IRS1: variants seen among roughly 807,000 people sequenced by gnomAD.
The protein encoded by IRS1 is insulin receptor substrate 1.
A neutral mutation model predicts 65.6 loss-of-function variants in IRS1; 34 were observed. The observed-to-expected ratio is 0.52, with a 90% confidence interval of 0.39 to 0.69. IRS1 has a LOEUF of 0.69. IRS1 is among the 30% of genes least tolerant of loss of function. IRS1 has a pLI of 0.00. For missense variants in IRS1, 1,641 were observed against 1,720.2 expected, an observed-to-expected ratio of 0.95 and a Z score of 0.81; for synonymous variants, 699 against 683.5, an observed-to-expected ratio of 1.02 and a Z score of -0.35.
intron 1 of IRS1, among the ~76,000 whole-genome samples, chr2:226,774,103 C>T (rs1018779678): frequency 6.6e-6 from 1 of 152,054 alleles, no homozygotes. Flanking sequence ...ACTGGACGTC[C>T]GGAAAGCACA....
intron 1 of IRS1, among the ~76,000 whole-genome samples, chr2:226,766,120 CTTATATATATAT>C (rs1261291540): frequency 8.5e-4 from 27 of 31,688 alleles, no homozygotes; most frequent in African/African-American, 2.4e-3. Context: ...CTCTCTTAAT[CTTATATATATAT>C]ATATATATAT....
chr2:226,750,336 C>G (rs28415492), intron 1 of IRS1, among the ~76,000 whole-genome samples: 7,954 of 151,148 alleles, frequency 0.053, 504 homozygotes, highest in East Asian at 0.18. Flanking sequence ...TGAGACTAAG[C>G]GTTCTCCTCA....
At chr2:226,788,109 T>C (rs1373572729) in intron 1 of IRS1, among the ~76,000 whole-genome samples, 1 of 152,082 alleles carries the variant, frequency 6.6e-6, no homozygotes, top group Non-Finnish European at 1.5e-5. Flanking sequence ...GACCTAAATA[T>C]GTCAGGGAGG....
chr2:226,788,339 C>T (rs1443892944), intron 1 of IRS1, among the ~76,000 whole-genome samples: 1 of 152,110 alleles, frequency 6.6e-6, no homozygotes, highest in Non-Finnish European at 1.5e-5. Flanking sequence ...CATAGTCTGA[C>T]CCATGTATTC....
chr2:226,741,172 TGTCCCCTCA>T, intron 1 of IRS1, among the ~76,000 whole-genome samples: 1 of 152,192 alleles, frequency 6.6e-6, no homozygotes, highest in Non-Finnish European at 1.5e-5. Flanking sequence ...CTGCATTTAA[TGTCCCCTCA>T]AAAAGTCTAA....
At chr2:226,742,002 C>A (rs1020118194) in intron 1 of IRS1, among the ~76,000 whole-genome samples, 1 of 152,116 alleles carries the variant, frequency 6.6e-6, no homozygotes, top group Non-Finnish European at 1.5e-5. Context: ...AGGAAGTTCC[C>A]AGCTTAAAGC....
At chr2:226,766,897 G>C (rs896216974) in intron 1 of IRS1, among the ~76,000 whole-genome samples, 3 of 151,978 alleles carry the variant, frequency 2.0e-5, no homozygotes, top group Non-Finnish European at 4.4e-5. Flanking sequence ...GCCAGCTGTC[G>C]AGAGCAGCTC....
chr2:226,765,192 C>T (rs1052360388), intron 1 of IRS1, among the ~76,000 whole-genome samples: 5 of 152,208 alleles, frequency 3.3e-5, no homozygotes, highest in African/African-American at 1.2e-4. Flanking sequence ...TGATCTTAGC[C>T]TTACGAGTAG....
At chr2:226,776,500 T>G (rs894719382) in intron 1 of IRS1, among the ~76,000 whole-genome samples, 2 of 152,186 alleles carry the variant, frequency 1.3e-5, no homozygotes, top group South Asian at 4.1e-4. Context: ...CAAACACTCC[T>G]TCAGCCAAGT....
chr2:226,797,345 T>C lies in IRS1; in HGVS notation c.1394A>G (p.Tyr465Cys), dbSNP rs1466090544. 20 of 1,613,128 alleles carry C rather than the reference T, an allele frequency of 1.2e-5. No individual in the cohort carries two copies. The highest frequency in any genetic ancestry group is 1.7e-6 in the Non-Finnish European group (2 of 1,179,926). Residue 465 changes from tyrosine (Y) to cysteine (C), a missense_variant, in exon 1 of 2, where the codon TAT (tyrosine) becomes TGT (cysteine). Transcript: ENST00000305123. This position sits in a 1 kb window ranked among gnomAD's most constrained non-coding sequence, Gnocchi z 8.1. ...PARGEEELSN[Y>C]ICMGGKGPST... ...GGGCCCCTTGCCACCCATGCAGATA[T>C]AGTTGCTTAGCTCCTCCTCACCGCG...
At chr2:226,766,120 CTTATATATATATATATAT>C (rs1939026133) in intron 1 of IRS1, among the ~76,000 whole-genome samples, 1 of 31,680 alleles carries the variant, frequency 3.2e-5, no homozygotes, top group African/African-American at 1.3e-4. Context: ...CTCTCTTAAT[CTTATATATATATATATAT>C]ATATATATAT....
chr2:226,759,127 C>T (rs1204016811), intron 1 of IRS1, among the ~76,000 whole-genome samples: 1 of 152,046 alleles, frequency 6.6e-6, no homozygotes, highest in Non-Finnish European at 1.5e-5. Context: ...ACACAAGCCT[C>T]AAAACACAAA....
chr2:226,775,991 C>T (rs777126923), intron 1 of IRS1, among the ~76,000 whole-genome samples: 16 of 151,754 alleles, frequency 1.1e-4, no homozygotes, highest in Admixed American at 2.0e-4. Flanking sequence ...GAATGCAGAA[C>T]CCAAGGTTAC....
chr2:226,792,580 C>T (rs1022146054), intron 1 of IRS1, among the ~76,000 whole-genome samples: 8 of 152,170 alleles, frequency 5.3e-5, no homozygotes, highest in Non-Finnish European at 1.2e-4. Context: ...AGCTCCTGAG[C>T]TCAGTGCTTC....
intron 1 of IRS1, among the ~76,000 whole-genome samples, chr2:226,745,707 A>G (rs1938528061): frequency 6.6e-6 from 1 of 152,226 alleles, no homozygotes; most frequent in African/African-American, 2.4e-5. Context: ...ATTAGCTCTT[A>G]GTGTAACTAC....
rs1938310042 is a variant in IRS1, at chr2:226,735,622, T to G, written c.*650A>C. On this transcript the variant is annotated 3_prime_UTR_variant, in exon 2 of 2. Transcript: ENST00000305123. ...GGCACTATGATTCTTATATTATGTT[T>G]TCTGAATTACAATCTTAAAACAAGG... The G allele has an allele frequency of 6.6e-6, 1 of 152,658 alleles. No homozygotes were observed. The highest frequency in any genetic ancestry group is 2.1e-4 in the South Asian group (1 of 4,830). The allele number at this position is 152,658 out of a possible 1,614,324, so 9.5% of individuals were successfully genotyped here.
At chr2:226,738,260 C>G (rs895756457) in intron 1 of IRS1, among the ~76,000 whole-genome samples, 8 of 152,140 alleles carry the variant, frequency 5.3e-5, no homozygotes, top group Non-Finnish European at 1.0e-4. Flanking sequence ...GCGGTTTTTG[C>G]CATAAAATAA....
chr2:226,795,329 T>C lies in IRS1; in HGVS notation c.3410A>G (p.Asp1137Gly). The change falls in exon 1 of 2, where the codon GAT becomes GGT. Residue 1137 changes from aspartate (D) to glycine (G), a missense_variant. Asp to Gly is a moderately conservative substitution (Grantham distance 94). Coordinates refer to ENST00000305123, the MANE Select transcript of IRS1 (RefSeq NM_005544.3). Reference protein sequence around the residue: ...GGGGSSSSSEDVKRHSSASFE... With the variant: ...GGGGSSSSSEGVKRHSSASFE... ...GGAAGCAGAGCTGTGGCGTTTCACA[T>C]CCTCGCTGCTGCTGCTGCTACCGCC... The C allele has an allele frequency of 1.2e-6, 2 of 1,613,400 alleles. No individual in the cohort carries two copies. Among genetic ancestry groups the C allele is most frequent in the Non-Finnish European group, 1.7e-6 (2 of 1,179,996 alleles).
Position 226,796,665 on chromosome 2 carries a change from C to G in IRS1, c.2074G>C (p.Gly692Arg). ...SSSSSNAVPS[G>R]TSYGKLWTNG... ...GTCCACAGCTTTCCATAGCTGGTCC[C>G]GGAAGGGACGGCGTTGCTGCTGCTG... The change falls in exon 1 of 2, where the codon GGG becomes CGG. Residue 692 changes from glycine to arginine, a missense_variant. Physicochemically the swap from Gly to Arg is moderately radical, Grantham distance 125 (BLOSUM62 -2). This residue lies in a region of IRS1 where 1,324 missense variants were observed against 1,361.0 expected (regional missense o/e 0.97). Transcript: ENST00000305123. The G allele has an allele frequency of 6.2e-7, 1 of 1,613,656 alleles. No homozygotes were observed. Among genetic ancestry groups the G allele is most frequent in the Non-Finnish European group, 8.5e-7 (1 of 1,179,830 alleles).
Sources: allele counts gnomAD v4.1 joint callset (sites outside exome capture counted in the v4.1 genomes callset), GRCh38; gene constraint gnomAD v4.1.1; regional missense constraint gnomAD v4.1.1; non-coding constraint Gnocchi (gnomAD v3.1); transcripts MANE v1.5; gene names NCBI Gene and HGNC (gene_info 2026-07-23, HGNC 2026-07-21).